ATXN7L3B: variants seen among roughly 807,000 people sequenced by gnomAD.
ATXN7L3B encodes ataxin-7-like protein 3B.
Under a neutral mutation model 6.3 loss-of-function variants are expected in ATXN7L3B, and 4 were observed. That is an observed-to-expected ratio of 0.63 (90% CI 0.31 to 1.45). ATXN7L3B has a LOEUF of 1.45. ATXN7L3B is among the 40% of genes most tolerant of loss of function. The probability of loss-of-function intolerance (pLI) is 0.07; values close to 1 mark genes in which losing one functional copy is unlikely to be tolerated. For missense variants in ATXN7L3B, 120 were observed against 118.5 expected (o/e 1.01, Z -0.06); for synonymous variants, 63 against 48.0 (o/e 1.31, Z -1.29).
rs541412639 is a variant in ATXN7L3B at position 74,544,076 on chromosome 12, A to C, written c.*5670A>C. On this transcript the variant is annotated 3_prime_UTR_variant, in exon 1 of 1. Transcript: ENST00000519948. ...CAAACATACCATTGAAAGTAGTGAG[A>C]AAATTTAGCACAGTTACTGGATATA... The C allele has an allele frequency of 6.6e-6, 1 of 152,196 alleles. No homozygotes were observed. The highest frequency in any genetic ancestry group is 6.5e-5 in the Admixed American group (1 of 15,302). 9.4% of individuals were successfully genotyped at this position (152,196 alleles called of 1,614,324 possible).
At position 74,537,983 on chromosome 12, in the gene ATXN7L3B, A is replaced by T. The variant is rs1868763068; in HGVS notation, c.-130A>T. 5 of 770,858 alleles carry T rather than the reference A, an allele frequency of 6.5e-6. No homozygotes were observed. The highest frequency in any genetic ancestry group is 1.0e-5 in the Non-Finnish European group (5 of 484,404). 47.8% of individuals were successfully genotyped at this position (770,858 alleles called of 1,614,324 possible). On this transcript the variant is annotated 5_prime_UTR_variant, in exon 1 of 1. Transcript: ENST00000519948. ...CCTATCGCTGCTCCTGCAGTTGCGG[A>T]CGCCACCGACCCCGCCGCCGGAGGA...
rs995948136 is a variant in ATXN7L3B, at chr12:74,543,317, C to T, written c.*4911C>T. The T allele has an allele frequency of 6.6e-6, 1 of 151,878 alleles. No individual in the cohort carries two copies. Among genetic ancestry groups the T allele is most frequent in the Non-Finnish European group, 1.5e-5 (1 of 67,934 alleles). 9.4% of individuals were successfully genotyped at this position (151,878 alleles called of 1,614,324 possible). The stretch of plus-strand genomic sequence containing the variant: ...GCTGCTGTTGTGACTCCTAGGTCAG[C>T]GGTCTTTGTTGAAGCAATGGAGTAA... On this transcript the variant is annotated 3_prime_UTR_variant, in exon 1 of 1. Transcript: ENST00000519948.
rs149090705 is a variant in ATXN7L3B, at chr12:74,537,871, G to C, written c.-242G>C. The C allele has an allele frequency of 3.9e-6, 2 of 511,460 alleles. No individual in the cohort carries two copies. Among genetic ancestry groups the C allele is most frequent in the Non-Finnish European group, 7.0e-6 (2 of 286,522 alleles). 31.7% of individuals were successfully genotyped at this position (511,460 alleles called of 1,614,324 possible). On this transcript the variant is annotated 5_prime_UTR_variant, in exon 1 of 1. Coordinates refer to ENST00000519948, the MANE Select transcript of ATXN7L3B (RefSeq NM_001136262.2). ...TGAGGCGCTGAGACGGTTTGGCGGT[G>C]AGTCCTGGGCCAGGCGCAGCTGAAA... is the stretch of plus-strand genomic sequence containing the variant.
In ATXN7L3B at chr12:74,540,639, C is replaced by G. The variant is rs1264030691; in HGVS notation, c.*2233C>G. 1 of 166,968 alleles carries G rather than the reference C, an allele frequency of 6.0e-6. No individual in the cohort carries two copies. The highest frequency in any genetic ancestry group is 1.5e-5 in the Non-Finnish European group (1 of 68,108). 10.3% of individuals were successfully genotyped at this position (166,968 alleles called of 1,614,324 possible). A position where few individuals can be genotyped will look rare whatever the true frequency, so the allele number is the denominator to read the frequency against. ...AATTTGGAGATATCTTTGCCCTTGA[C>G]TTGTAGACGACATCTAAGAGGATGA... On this transcript the variant is annotated 3_prime_UTR_variant, in exon 1 of 1. Coordinates refer to ENST00000519948, the MANE Select transcript of ATXN7L3B (RefSeq NM_001136262.2).
chr12:74,538,230 G>A lies in ATXN7L3B; in HGVS notation c.118G>A (p.Ala40Thr), dbSNP rs770676411. 1 of 1,602,156 alleles carries A rather than the reference G, an allele frequency of 6.2e-7. No homozygotes were observed. Among genetic ancestry groups the A allele is most frequent in the South Asian group, 1.1e-5 (1 of 88,826 alleles). ...GGGATTCTGCTTTGAGGTGCACCGG[G>A]CAGTCAAGTGTGGCTACTTCTACCT... is the stretch of plus-strand genomic sequence containing the variant. ...CLGFCFEVHR[A>T]VKCGYFYLEF... Residue 40 changes from alanine to threonine, a missense_variant, in exon 1 of 1, where the codon GCA becomes ACA. Coordinates refer to ENST00000519948, the MANE Select transcript of ATXN7L3B (RefSeq NM_001136262.2).
chr12:74,543,043 A>G lies in ATXN7L3B; in HGVS notation c.*4637A>G, dbSNP rs1476541776. On this transcript the variant is annotated 3_prime_UTR_variant, in exon 1 of 1. Transcript: ENST00000519948. ...TAATGTTGCTTTGGAGGACAGCATT[A>G]GAAGTGATGTTCCTATTCAAAAAGG... is the stretch of plus-strand genomic sequence containing the variant. The G allele has an allele frequency of 6.6e-6, 1 of 152,166 alleles. No homozygotes were observed. The highest frequency in any genetic ancestry group is 1.5e-5 in the Non-Finnish European group (1 of 67,980). 9.4% of individuals were successfully genotyped at this position (152,166 alleles called of 1,614,324 possible). A position where few individuals can be genotyped will look rare whatever the true frequency, so the allele number is the denominator to read the frequency against.
In ATXN7L3B at chr12:74,542,581, C is replaced by T. The variant is rs142295944; in HGVS notation, c.*4175C>T. On this transcript the variant is annotated 3_prime_UTR_variant, in exon 1 of 1. Transcript: ENST00000519948. ...TGATCTTTAAAGAAAAAAAAAAACACATTGCATACCTTTTAACTACCAATG... is the reference window on the plus strand; with the variant it reads ...TGATCTTTAAAGAAAAAAAAAAACATATTGCATACCTTTTAACTACCAATG... 2 of 150,358 alleles carry T rather than the reference C, an allele frequency of 1.3e-5. No individual in the cohort carries two copies. Among genetic ancestry groups the T allele is most frequent in the Admixed American group, 6.6e-5 (1 of 15,170 alleles). The allele number at this position is 150,358 out of a possible 1,614,324, so 9.3% of individuals were successfully genotyped here.
rs532608132 is a variant in ATXN7L3B, at chr12:74,541,387, A to G, written c.*2981A>G. On this transcript the variant is annotated 3_prime_UTR_variant, in exon 1 of 1. Transcript: ENST00000519948. ...GATTAACTGTATTCCCCTTTCCCCT[A>G]TGGCTGCTGGTGTAAATAAACTGCA... 10 of 167,172 alleles carry G rather than the reference A, an allele frequency of 6.0e-5. No homozygotes were observed. The highest frequency in any genetic ancestry group is 3.9e-4 in the Admixed American group (6 of 15,296). 10.4% of individuals were successfully genotyped at this position (167,172 alleles called of 1,614,324 possible).
rs1306683877 is a variant in ATXN7L3B at position 74,538,331 on chromosome 12, G to T, written c.219G>T (p.Pro73=). Residue 73 remains proline, a synonymous_variant, in exon 1 of 1, where the codon CCG becomes CCT. Coordinates refer to ENST00000519948, the MANE Select transcript of ATXN7L3B (RefSeq NM_001136262.2). ...AAGACAAAGGAGCGTGCCGCCTCCC[G>T]CTTTGCTCCCTTCCCGGAGAACCTG... ...PVEDKGACRL[P]LCSLPGEPGN... is the part of the protein sequence containing the mutation. The T allele has an allele frequency of 6.4e-7, 1 of 1,552,598 alleles. No individual in the cohort carries two copies. Among genetic ancestry groups the T allele is most frequent in the South Asian group, 1.2e-5 (1 of 84,092 alleles).
In ATXN7L3B at chr12:74,542,574, A is replaced by G. The variant is rs1260443141; in HGVS notation, c.*4168A>G. ...ACTAGTATGATCTTTAAAGAAAAAA[A>G]AAAACACATTGCATACCTTTTAACT... On this transcript the variant is annotated 3_prime_UTR_variant, in exon 1 of 1. Transcript: ENST00000519948. The G allele has an allele frequency of 6.6e-6, 1 of 152,018 alleles. No homozygotes were observed. Among genetic ancestry groups the G allele is most frequent in the African/African-American group, 2.4e-5 (1 of 41,374 alleles). 9.4% of individuals were successfully genotyped at this position (152,018 alleles called of 1,614,324 possible). A position where few individuals can be genotyped will look rare whatever the true frequency, so the allele number is the denominator to read the frequency against.
Position 74,538,434 on chromosome 12 carries a change from A to C in ATXN7L3B, c.*28A>C, listed in dbSNP as rs1339022481. 6.5e-7 allele frequency: 1 copy of C among 1,541,506 alleles called. No individual in the cohort carries two copies. Among genetic ancestry groups the C allele is most frequent in the African/African-American group, 1.4e-5 (1 of 72,998 alleles). ...GCAAAATGAGAGTCTGAAAGTGGCC[A>C]GGACAATAACATAGACTGGTCCTGT... On this transcript the variant is annotated 3_prime_UTR_variant, in exon 1 of 1. Transcript: ENST00000519948.
chr12:74,542,908 A>C lies in ATXN7L3B; in HGVS notation c.*4502A>C, dbSNP rs1018535749. 1 of 152,146 alleles carries C rather than the reference A, an allele frequency of 6.6e-6. No homozygotes were observed. The highest frequency in any genetic ancestry group is 1.5e-5 in the Non-Finnish European group (1 of 67,986). The allele number at this position is 152,146 out of a possible 1,614,324, so 9.4% of individuals were successfully genotyped here. A position where few individuals can be genotyped will look rare whatever the true frequency, so the allele number is the denominator to read the frequency against. On this transcript the variant is annotated 3_prime_UTR_variant, in exon 1 of 1. Coordinates refer to ENST00000519948, the MANE Select transcript of ATXN7L3B (RefSeq NM_001136262.2). ...TGTTGTTGTTTAATTATGGTTAACG[A>C]ATTGCCAGTTTTCAAGTCAGCCAGA...
Position 74,542,045 on chromosome 12 carries a change from G to C in ATXN7L3B, c.*3639G>C, listed in dbSNP as rs925029033. 6.6e-6 allele frequency: 1 copy of C among 152,072 alleles called. No homozygotes were observed. Among genetic ancestry groups the C allele is most frequent in the South Asian group, 2.1e-4 (1 of 4,822 alleles). The allele number at this position is 152,072 out of a possible 1,614,324, so 9.4% of individuals were successfully genotyped here. Reference sequence around the variant, plus strand: ...ATGTGTTCTAATTTATTAAAGTTTCGTATTGGACATAATACTGAGATTAAT... The same window carrying C: ...ATGTGTTCTAATTTATTAAAGTTTCCTATTGGACATAATACTGAGATTAAT... On this transcript the variant is annotated 3_prime_UTR_variant, in exon 1 of 1. Coordinates refer to ENST00000519948, the MANE Select transcript of ATXN7L3B (RefSeq NM_001136262.2).
rs1868979119 is a variant in ATXN7L3B at position 74,544,636 on chromosome 12, G to A, written c.*6230G>A. The A allele has an allele frequency of 6.6e-6, 1 of 151,840 alleles. No individual in the cohort carries two copies. The highest frequency in any genetic ancestry group is 1.5e-5 in the Non-Finnish European group (1 of 67,836). 9.4% of individuals were successfully genotyped at this position (151,840 alleles called of 1,614,324 possible). ...TCAGACACAAAATTAATTCCTATAT[G>A]GATTAAAGATTTAATGTGTAAAAGT... On this transcript the variant is annotated 3_prime_UTR_variant, in exon 1 of 1. Transcript: ENST00000519948.
At position 74,542,309 on chromosome 12, in the gene ATXN7L3B, A is replaced by G. The variant is rs950462267; in HGVS notation, c.*3903A>G. 1 of 152,174 alleles carries G rather than the reference A, an allele frequency of 6.6e-6. No homozygotes were observed. Among genetic ancestry groups the G allele is most frequent in the African/African-American group, 2.4e-5 (1 of 41,452 alleles). 9.4% of individuals were successfully genotyped at this position (152,174 alleles called of 1,614,324 possible). ...ATTCTTCAAATGAAATTTCACCAAG[A>G]TTGGGTATTTTGCCTTAAGTAAGAT... On this transcript the variant is annotated 3_prime_UTR_variant, in exon 1 of 1. Coordinates refer to ENST00000519948, the MANE Select transcript of ATXN7L3B (RefSeq NM_001136262.2).
chr12:74,545,375 A>G lies in ATXN7L3B; in HGVS notation c.*6969A>G, dbSNP rs1868997651. 1 of 152,132 alleles carries G rather than the reference A, an allele frequency of 6.6e-6. No individual in the cohort carries two copies. Among genetic ancestry groups the G allele is most frequent in the South Asian group, 2.1e-4 (1 of 4,832 alleles). The allele number at this position is 152,132 out of a possible 1,614,324, so 9.4% of individuals were successfully genotyped here. ...TTGATGTTTAACAATAGGCAAATCAATGCTGTATGTTGTTTAAATAATTGT... is the reference window on the plus strand; with the variant it reads ...TTGATGTTTAACAATAGGCAAATCAGTGCTGTATGTTGTTTAAATAATTGT... On this transcript the variant is annotated 3_prime_UTR_variant, in exon 1 of 1. Coordinates refer to ENST00000519948, the MANE Select transcript of ATXN7L3B (RefSeq NM_001136262.2).
chr12:74,542,830 A>G lies in ATXN7L3B; in HGVS notation c.*4424A>G, dbSNP rs974386683. On this transcript the variant is annotated 3_prime_UTR_variant, in exon 1 of 1. Transcript: ENST00000519948. ...TTTTTCTTACAATTTTTTAAAAGAG[A>G]TTTATGAAGAAACTATGTGCTAAAA... 6.6e-6 allele frequency: 1 copy of G among 152,074 alleles called. No homozygotes were observed. Among genetic ancestry groups the G allele is most frequent in the Non-Finnish European group, 1.5e-5 (1 of 67,974 alleles). The allele number at this position is 152,074 out of a possible 1,614,324, so 9.4% of individuals were successfully genotyped here.
Position 74,538,338 on chromosome 12 carries a change from T to TC in ATXN7L3B, c.229dup (p.Leu77ProfsTer10), listed in dbSNP as rs1565675671. 6.4e-7 allele frequency: 1 copy of TC among 1,552,274 alleles called. No homozygotes were observed. The highest frequency in any genetic ancestry group is 2.0e-5 in the Admixed American group (1 of 51,022). ...AGGAGCGTGCCGCCTCCCGCTTTGC[T>TC]CCCTTCCCGGAGAACCTGGGAATGG... On this transcript the variant is annotated frameshift_variant, in exon 1 of 1. Coordinates refer to ENST00000519948, the MANE Select transcript of ATXN7L3B (RefSeq NM_001136262.2). LOFTEE classifies it high-confidence loss of function.
Position 74,541,054 on chromosome 12 carries a change from T to A in ATXN7L3B, c.*2648T>A, listed in dbSNP as rs750677863. 3 of 167,202 alleles carry A rather than the reference T, an allele frequency of 1.8e-5. No individual in the cohort carries two copies. The highest frequency in any genetic ancestry group is 4.4e-5 in the Non-Finnish European group (3 of 68,226). 10.4% of individuals were successfully genotyped at this position (167,202 alleles called of 1,614,324 possible). On this transcript the variant is annotated 3_prime_UTR_variant, in exon 1 of 1. Transcript: ENST00000519948. ...GAACTCTCCCTTTCCCTACCTACCT[T>A]CCTTTTAATAGCAGAATTCCTATTT... is the stretch of plus-strand genomic sequence containing the variant.
Sources: gnomAD v4.1 joint callset for allele counts on GRCh38, gnomAD v4.1.1 for gene constraint, MANE v1.5 for transcripts, NCBI Gene and HGNC (gene_info 2026-07-23, HGNC 2026-07-21) for gene names.